LRFN5: variants seen among roughly 807,000 people sequenced by gnomAD.
LRFN5 encodes the protein leucine rich repeat and fibronectin type III domain containing 5, also known as leucine-rich repeat and fibronectin type-III domain-containing protein 5.
A neutral mutation model predicts 45.6 loss-of-function variants in LRFN5; 24 were observed. The ratio of observed to expected loss-of-function variants is 0.53; its 90% confidence interval spans 0.38 to 0.74. The LOEUF (loss-of-function observed/expected upper bound fraction) is 0.74. Ranked by LOEUF, LRFN5 falls within the 30% of genes least tolerant of loss-of-function variation. LRFN5 has a pLI of 0.00. For synonymous variants in LRFN5, 340 were observed against 313.8 expected, an observed-to-expected ratio of 1.08 and a Z score of -0.88; for missense variants, 776 against 861.5, an observed-to-expected ratio of 0.90 and a Z score of 1.24.
chr14:41,797,321 A>C (rs1040095281), intron 2 of LRFN5, among the ~76,000 whole-genome samples: 13 of 151,746 alleles, frequency 8.6e-5, no homozygotes, highest in South Asian at 6.2e-4. Context: ...TTTTCTCAGT[A>C]TTTAGACAGT....
At chr14:41,809,959 CCAAAA>C (rs1428525659) in intron 2 of LRFN5, among the ~76,000 whole-genome samples, 22 of 152,006 alleles carry the variant, frequency 1.4e-4, no homozygotes, top group Admixed American at 9.2e-4. Context: ...GCCAAGTTTA[CCAAAA>C]CTATGACCAG....
intron 4 of LRFN5, chr14:41,894,706 T>G (rs1352484210): frequency 4.1e-6 from 4 of 985,144 alleles, no homozygotes; most frequent in Non-Finnish European, 4.8e-6. Context: ...GAAACATAAT[T>G]GTTGCTTAGA....
At chr14:41,856,064 GT>G (rs1889440973) in intron 2 of LRFN5, among the ~76,000 whole-genome samples, 1 of 152,116 alleles carries the variant, frequency 6.6e-6, no homozygotes, top group Non-Finnish European at 1.5e-5. Flanking sequence ...AAGGAGTTAA[GT>G]TTAACATCAA....
chr14:41,624,914 T>C (rs1888272492), intron 1 of LRFN5, among the ~76,000 whole-genome samples: 1 of 152,138 alleles, frequency 6.6e-6, no homozygotes, highest in African/African-American at 2.4e-5. Flanking sequence ...ATTTTTTTTT[T>C]TCTTTTCATG....
At chr14:41,653,726 A>T (rs1306520448) in intron 1 of LRFN5, among the ~76,000 whole-genome samples, 1 of 152,110 alleles carries the variant, frequency 6.6e-6, no homozygotes, top group African/African-American at 2.4e-5. Flanking sequence ...GGGAGGCAGG[A>T]TGGGAGATAG....
intron 2 of LRFN5, among the ~76,000 whole-genome samples, chr14:41,878,272 A>G (rs1594488789): frequency 6.6e-6 from 1 of 152,308 alleles, no homozygotes; most frequent in East Asian, 1.9e-4. Context: ...CCCAGACATT[A>G]GTTGAGACAA....
intron 2 of LRFN5, among the ~76,000 whole-genome samples, chr14:41,795,703 A>G (rs1490776317): frequency 6.6e-6 from 1 of 151,702 alleles, no homozygotes; most frequent in Non-Finnish European, 1.5e-5. Context: ...ACATGTTCTC[A>G]CTCATAGGTG....
At chr14:41,773,595 C>G (rs1330379445) in intron 2 of LRFN5, among the ~76,000 whole-genome samples, 1 of 151,996 alleles carries the variant, frequency 6.6e-6, no homozygotes, top group Non-Finnish European at 1.5e-5. Context: ...CTCTTTCTCT[C>G]TCTCTGCAGA....
Position 41,844,607 on chromosome 14 carries a change from A to G in LRFN5, c.-20-41999A>G, listed in dbSNP as rs374942764. 5.6e-4 allele frequency among the ~76,000 whole-genome samples: 86 copies of G among 152,254 alleles called. 2 individuals are homozygous for G. The South Asian group carries it at 0.017, about 30-fold the overall frequency. On this transcript the variant is annotated intron_variant, in intron 2 of 5. Transcript: ENST00000298119. ...CTTTTACCACTTTACACTGACACTG[A>G]TTTCTAATACACATAACCATGGTAT...
chr14:41,781,600 GAAAGAAAGAAAGAAAGAGAAAGAA>G lies in LRFN5; in HGVS notation c.-21+14573_-21+14596del, dbSNP rs1328926771. Among the ~76,000 whole-genome samples, 759 of 82,808 alleles carry G rather than the reference GAAAGAAAGAAAGAAAGAGAAAGAA, an allele frequency of 9.2e-3. 14 individuals are homozygous for G. Among genetic ancestry groups the G allele is most frequent in the African/African-American group, 0.04 (731 of 18,482 alleles). The allele number at this position is 82,808 out of a possible 152,430, so 54.3% of individuals were successfully genotyped here. ...AGAAAGAAAGAAAGAAAGAAAGAAA[GAAAGAAAGAAAGAAAGAGAAAGAA>G]AGAAAGAAAGGAAAGAAAGAAAGAG... is the stretch of plus-strand genomic sequence containing the variant. On this transcript the variant is annotated intron_variant, in intron 2 of 5. Transcript: ENST00000298119.
intron 1 of LRFN5, among the ~76,000 whole-genome samples, chr14:41,672,077 T>G (rs34972585): frequency 6.6e-6 from 1 of 152,246 alleles, no homozygotes; most frequent in Non-Finnish European, 1.5e-5. Context: ...TTCTACTAGG[T>G]GCCTTAGGGC....
intron 1 of LRFN5, among the ~76,000 whole-genome samples, chr14:41,739,936 T>A (rs941417230): frequency 1.3e-5 from 2 of 149,028 alleles, no homozygotes; most frequent in Non-Finnish European, 3.0e-5. Flanking sequence ...TAATAAAAAA[T>A]GAATAACACA....
At chr14:41,893,875 G>T in intron 4 of LRFN5, 1 of 985,208 alleles carries the variant, frequency 1.0e-6, no homozygotes, top group South Asian at 4.7e-5. Context: ...TCACTGCCCA[G>T]TTATTTATTT....
At chr14:41,852,714 T>A (rs1889314441) in intron 2 of LRFN5, among the ~76,000 whole-genome samples, 1 of 151,920 alleles carries the variant, frequency 6.6e-6, no homozygotes, top group Non-Finnish European at 1.5e-5. Context: ...TCTCTTTAGC[T>A]CACAGGGCTT....
At chr14:41,863,300 C>G (rs1225748726) in intron 2 of LRFN5, among the ~76,000 whole-genome samples, 1 of 152,064 alleles carries the variant, frequency 6.6e-6, no homozygotes, top group Non-Finnish European at 1.5e-5. Context: ...CTTTATTATA[C>G]TATTTTACTT....
chr14:41,706,989 A>C (rs1883093454), intron 1 of LRFN5, among the ~76,000 whole-genome samples: 1 of 152,152 alleles, frequency 6.6e-6, no homozygotes, highest in Non-Finnish European at 1.5e-5. Flanking sequence ...CATCCCTGGC[A>C]TGTAGAGACA....
At chr14:41,856,659 A>AATTATT (rs1377101488) in intron 2 of LRFN5, among the ~76,000 whole-genome samples, 1,005 of 49,680 alleles carry the variant, frequency 0.02, 193 homozygotes, top group African/African-American at 0.047. Context: ...TTTCTTTCCT[A>AATTATT]ATTATTATTA....
At chr14:41,901,557 G>T (rs1227949168) in intron 5 of LRFN5, among the ~76,000 whole-genome samples, 2 of 151,526 alleles carry the variant, frequency 1.3e-5, no homozygotes, top group African/African-American at 2.4e-5. Context: ...TTTAACTTGC[G>T]ATTAGTCCAC....
chr14:41,889,363 G>T (rs575076928), intron 3 of LRFN5, among the ~76,000 whole-genome samples: 1 of 151,858 alleles, frequency 6.6e-6, no homozygotes, highest in Non-Finnish European at 1.5e-5. Context: ...TTAGACTAAA[G>T]GTCTCTAATA....
Sources: allele counts gnomAD v4.1 joint callset (sites outside exome capture counted in the v4.1 genomes callset), GRCh38; gene constraint gnomAD v4.1.1; transcripts MANE v1.5; gene names NCBI Gene and HGNC (gene_info 2026-07-23, HGNC 2026-07-21).